The following FHOD3 variants were observed in gnomAD, a reference collection of about 807,000 sequenced individuals.
FHOD3 encodes the protein FH1/FH2 domain-containing protein 3.
FHOD3 carries 90 observed loss-of-function variants against 173.0 expected under a neutral mutation model. The observed-to-expected ratio is 0.52, with a 90% CI of 0.44 to 0.62. The LOEUF is 0.62. Among genes scored for constraint, FHOD3 ranks in the 20% least tolerant of loss-of-function variants. The probability of loss-of-function intolerance (pLI) is 0.00; values close to 1 mark genes in which losing one functional copy is unlikely to be tolerated. For synonymous variants in FHOD3, 828 were observed against 823.0 expected (o/e 1.01, Z -0.10); for missense variants, 1,945 against 2,034.7 (o/e 0.96, Z 0.85).
At chr18:36,454,917 A>G (rs2144492645) in intron 3 of FHOD3, among the ~76,000 whole-genome samples, 1 of 152,220 alleles carries the variant, frequency 6.6e-6, no homozygotes, top group Non-Finnish European at 1.5e-5. Flanking sequence ...ACCATAACTG[A>G]CTTGCTGCTT....
chr18:36,757,484 A>G (rs1726518894), intron 25 of FHOD3, among the ~76,000 whole-genome samples: 2 of 152,248 alleles, frequency 1.3e-5, no homozygotes, highest in African/African-American at 2.4e-5. Flanking sequence ...AAAATGGCAT[A>G]TACACAACTT....
At chr18:36,475,630 T>C (rs2053523185) in intron 3 of FHOD3, among the ~76,000 whole-genome samples, 1 of 152,142 alleles carries the variant, frequency 6.6e-6, no homozygotes, top group Non-Finnish European at 1.5e-5. Flanking sequence ...AAACTGTTAC[T>C]CATGCTGCTT....
intron 6 of FHOD3, among the ~76,000 whole-genome samples, chr18:36,593,548 T>C (rs1416289898): frequency 6.6e-6 from 1 of 152,126 alleles, no homozygotes; most frequent in Non-Finnish European, 1.5e-5. Context: ...TCCCCCAAAT[T>C]TACCTATAAA....
intron 3 of FHOD3, among the ~76,000 whole-genome samples, chr18:36,443,969 C>G (rs990973711): frequency 6.6e-6 from 1 of 151,988 alleles, no homozygotes; most frequent in South Asian, 2.1e-4. Context: ...AGAAAAAACT[C>G]CCAAGGCAGG....
intron 3 of FHOD3, among the ~76,000 whole-genome samples, chr18:36,477,895 C>G (rs563254510): frequency 3.9e-5 from 6 of 152,106 alleles, no homozygotes; most frequent in Non-Finnish European, 8.8e-5. Flanking sequence ...TCAGGGAAGA[C>G]GAAGAACCAC....
intron 3 of FHOD3, among the ~76,000 whole-genome samples, chr18:36,443,249 C>T (rs992861605): frequency 2.0e-5 from 3 of 152,168 alleles, no homozygotes; most frequent in Admixed American, 6.5e-5. Flanking sequence ...TTGCCTGTGA[C>T]GATCATTACT....
In FHOD3 at chr18:36,693,628, A is replaced by G. The variant is rs536082500; in HGVS notation, c.2236+205A>G. Among the ~76,000 whole-genome samples the G allele has an allele frequency of 5.8e-4, 88 of 152,316 alleles. 1 individual carries two copies. The South Asian group carries it at 0.018, about 31-fold the overall frequency. Reference sequence around the variant, plus strand: ...GAGCCACTTATATTAAAGCAAAATGATTCATCAAAGTTGTCAATGTATGGC... The same window carrying G: ...GAGCCACTTATATTAAAGCAAAATGGTTCATCAAAGTTGTCAATGTATGGC... On this transcript the variant is annotated intron_variant, in intron 17 of 28. Coordinates refer to ENST00000590592, the MANE Select transcript of FHOD3 (RefSeq NM_001281740.3).
intron 3 of FHOD3, among the ~76,000 whole-genome samples, chr18:36,425,602 A>G (rs968562903): frequency 1.3e-5 from 2 of 152,230 alleles, no homozygotes; most frequent in Non-Finnish European, 2.9e-5. Flanking sequence ...AGACCCCAAC[A>G]GTGGCGCTTG....
chr18:36,647,166 G>C (rs1309598315), intron 10 of FHOD3, among the ~76,000 whole-genome samples: 1 of 152,140 alleles, frequency 6.6e-6, no homozygotes, highest in Non-Finnish European at 1.5e-5. Context: ...CGCTTGACCC[G>C]GGAGGCAGAG....
chr18:36,580,365 T>A (rs751621768), intron 6 of FHOD3, among the ~76,000 whole-genome samples: 105 of 152,328 alleles, frequency 6.9e-4, no homozygotes, highest in Admixed American at 2.0e-3. Flanking sequence ...AGTCTCTGGC[T>A]CCTGTGTTCT....
intron 20 of FHOD3, among the ~76,000 whole-genome samples, chr18:36,731,936 C>T (rs2041382781): frequency 2.0e-5 from 3 of 152,190 alleles, no homozygotes; most frequent in Admixed American, 2.0e-4. Flanking sequence ...CATGCCCACC[C>T]AGGATGTGAC....
intron 5 of FHOD3, among the ~76,000 whole-genome samples, chr18:36,565,282 A>C (rs2058224241): frequency 1.2e-4 from 19 of 152,222 alleles, no homozygotes; most frequent in Admixed American, 1.2e-3. Flanking sequence ...GATTAAAATT[A>C]ATTGAAATCC....
chr18:36,602,815 T>G, intron 8 of FHOD3, 47 bp downstream of exon 8: 1 of 1,411,064 alleles, frequency 7.1e-7, no homozygotes, highest in South Asian at 1.1e-5. Flanking sequence ...TAAAAAGATA[T>G]GTTAAAGCCC....
chr18:36,768,351 A>G (rs1309414464), intron 27 of FHOD3, among the ~76,000 whole-genome samples: 1 of 152,248 alleles, frequency 6.6e-6, no homozygotes, highest in Non-Finnish European at 1.5e-5. Context: ...GATTTGATGG[A>G]GCACATCTAC....
chr18:36,520,355 A>G (rs941058391), intron 5 of FHOD3, among the ~76,000 whole-genome samples: 2 of 152,246 alleles, frequency 1.3e-5, no homozygotes, highest in Non-Finnish European at 2.9e-5. Flanking sequence ...CATGTAGAGC[A>G]TCTTTCTAAA....
chr18:36,758,205 G>A (rs2042715415), intron 25 of FHOD3, among the ~76,000 whole-genome samples: 1 of 152,186 alleles, frequency 6.6e-6, no homozygotes, highest in South Asian at 2.1e-4. Context: ...AGCGTGGAAT[G>A]TTACGGACTG....
chr18:36,458,743 C>T (rs1267295076), intron 3 of FHOD3, among the ~76,000 whole-genome samples: 4 of 141,052 alleles, frequency 2.8e-5, no homozygotes, highest in Admixed American at 2.3e-4. Context: ...GTTGAACCAT[C>T]GGGGTGACTT....
rs117005081 is a variant in FHOD3, at chr18:36,625,557, C to G, written c.1004C>G (p.Pro335Arg). 2.8e-4 allele frequency: 421 copies of G among 1,513,158 alleles called. 2 individuals are homozygous for G. In the East Asian group the frequency reaches 3.9e-3, roughly 14 times the overall value. 93.7% of individuals were successfully genotyped at this position (1,513,158 alleles called of 1,614,324 possible). Residue 335 changes from proline (P) to arginine (R), a missense_variant, in exon 10 of 29, where the codon CCC becomes CGC. By Grantham distance (103) the Pro-to-Arg change is moderately radical. Around this residue, in one of 5 missense-constraint regions of FHOD3, gnomAD observed 1,099 missense variants for 1,051.2 expected, o/e 1.05. Transcript: ENST00000590592. ...EDGDETTEPP[P>R]SGCRDRRRAS... is the part of the protein sequence containing the mutation. ...GGCGATGAGACCACGGAGCCACCCC[C>G]CAGTGGGTGCCGGGACCGGAGGAGG...
At chr18:36,459,783 T>A (rs1192724549) in intron 3 of FHOD3, among the ~76,000 whole-genome samples, 2 of 152,216 alleles carry the variant, frequency 1.3e-5, no homozygotes, top group Non-Finnish European at 2.9e-5. Context: ...TATTAACAGC[T>A]TACACTAAGC....
Sources: gnomAD v4.1 joint callset for allele counts (sites outside exome capture counted in the v4.1 genomes callset) on GRCh38, gnomAD v4.1.1 for gene constraint, gnomAD v4.1.1 regional missense constraint, MANE v1.5 for transcripts, NCBI Gene and HGNC (gene_info 2026-07-23, HGNC 2026-07-21) for gene names.